The following RPS6KA2 variants were observed in gnomAD, a reference collection of about 807,000 sequenced individuals.
RPS6KA2 encodes ribosomal protein S6 kinase A2.
A neutral mutation model predicts 91.8 loss-of-function variants in RPS6KA2; 42 were observed. That is an observed-to-expected ratio of 0.46 (90% CI 0.36 to 0.59). The LOEUF (loss-of-function observed/expected upper bound fraction) is 0.59. Ranked by LOEUF, RPS6KA2 falls within the 20% of genes least tolerant of loss-of-function variation. The pLI is 0.00. For missense variants in RPS6KA2, 798 were observed against 978.5 expected, an observed-to-expected ratio of 0.82 and a Z score of 2.46; for synonymous variants, 414 against 393.6, an observed-to-expected ratio of 1.05 and a Z score of -0.61.
chr6:166,472,375 T>C (rs1487310899), intron 10 of RPS6KA2, among the ~76,000 whole-genome samples: 1 of 152,242 alleles, frequency 6.6e-6, no homozygotes, highest in Non-Finnish European at 1.5e-5. Flanking sequence ...AACTACTATG[T>C]AACTGGTATA....
intron 2 of RPS6KA2, among the ~76,000 whole-genome samples, chr6:166,748,535 GC>G (rs1321145693): frequency 2.3e-3 from 326 of 142,046 alleles, no homozygotes; most frequent in African/African-American, 3.9e-3. Context: ...ACCTCCTCGG[GC>G]CCCCCATCCC....
intron 1 of RPS6KA2, among the ~76,000 whole-genome samples, chr6:166,570,907 A>G (rs1456784403): frequency 6.6e-6 from 1 of 152,256 alleles, no homozygotes; most frequent in African/African-American, 2.4e-5. Flanking sequence ...ATAGTGTTTA[A>G]CCCAGTTTAA....
intron 2 of RPS6KA2, among the ~76,000 whole-genome samples, chr6:166,795,456 A>C (rs1261623547): frequency 6.6e-6 from 1 of 152,262 alleles, no homozygotes; most frequent in Non-Finnish European, 1.5e-5. Context: ...GTGGCATTAA[A>C]GAGCCAGTGC....
chr6:166,782,653 G>A (rs1778799352), intron 2 of RPS6KA2, among the ~76,000 whole-genome samples: 1 of 152,176 alleles, frequency 6.6e-6, no homozygotes, highest in South Asian at 2.1e-4. Flanking sequence ...AAAAGCCTGT[G>A]TCTGCATCTT....
At chr6:166,729,044 C>T (rs866482119) in intron 2 of RPS6KA2, among the ~76,000 whole-genome samples, 3 of 152,228 alleles carry the variant, frequency 2.0e-5, no homozygotes, top group Non-Finnish European at 2.9e-5. Flanking sequence ...TGCTCCCCTG[C>T]GGAAGGGCCA....
chr6:166,757,924 T>C (rs1778063720), intron 2 of RPS6KA2: 1 of 204,302 alleles, frequency 4.9e-6, no homozygotes. Flanking sequence ...CTCATGCTGC[T>C]CCGAATCCCA....
intron 15 of RPS6KA2, among the ~76,000 whole-genome samples, chr6:166,431,910 G>A (rs1194013607): frequency 6.6e-6 from 1 of 152,274 alleles, no homozygotes; most frequent in South Asian, 2.1e-4. Context: ...TTACAGGTGT[G>A]AGCCACCGCA....
chr6:166,412,898 G>A lies in RPS6KA2; in HGVS notation c.2077-11C>T. ...GGCGGCCATCGCGCCCTGCAAAACA[G>A]AAGACAAGGGTGAGAGCCGCGGCGC... is the stretch of plus-strand genomic sequence containing the variant. On this transcript the variant is annotated splice_polypyrimidine_tract_variant and intron_variant, in intron 20 of 20. Coordinates refer to ENST00000265678, the MANE Select transcript of RPS6KA2 (RefSeq NM_021135.6). The surrounding 1 kb of genome is among the most constrained non-coding windows in gnomAD (Gnocchi z 4.3). 2 of 1,547,190 alleles carry A rather than the reference G, an allele frequency of 1.3e-6. No individual in the cohort carries two copies. Among genetic ancestry groups the A allele is most frequent in the Non-Finnish European group, 1.7e-6 (2 of 1,144,366 alleles).
At chr6:166,503,254 C>T (rs139746367) in intron 6 of RPS6KA2, among the ~76,000 whole-genome samples, 25 of 152,320 alleles carry the variant, frequency 1.6e-4, no homozygotes, top group Admixed American at 1.4e-3. Context: ...GTGCCTGTGG[C>T]GTTCCACGGA....
chr6:166,548,507 T>C (rs1783898969), intron 1 of RPS6KA2, among the ~76,000 whole-genome samples: 1 of 152,162 alleles, frequency 6.6e-6, no homozygotes, highest in Non-Finnish European at 1.5e-5. Flanking sequence ...CACAGATCAA[T>C]GGAATGGAAT....
intron 1 of RPS6KA2, among the ~76,000 whole-genome samples, chr6:166,622,209 A>T (rs151222116): frequency 1.4e-4 from 22 of 152,334 alleles, no homozygotes; most frequent in African/African-American, 4.3e-4. Flanking sequence ...GTCTTTTCAC[A>T]TCGTTTAAAA....
chr6:166,451,371 T>C (rs1779913437), intron 12 of RPS6KA2, 138 bp from the exon 13 acceptor site: 6 of 862,554 alleles, frequency 7.0e-6, no homozygotes, highest in Non-Finnish European at 1.1e-5. Context: ...ACGTGGCGTA[T>C]GCCTGTGGTG....
intron 1 of RPS6KA2, among the ~76,000 whole-genome samples, chr6:166,619,062 G>A (rs1427333398): frequency 5.3e-5 from 8 of 152,168 alleles, no homozygotes; most frequent in Admixed American, 2.6e-4. Context: ...CATCAGATTC[G>A]CGCACGAGCC....
At chr6:166,838,569 A>C (rs1253810026) in intron 2 of RPS6KA2, among the ~76,000 whole-genome samples, 2 of 152,228 alleles carry the variant, frequency 1.3e-5, no homozygotes, top group Non-Finnish European at 2.9e-5. Flanking sequence ...AATATACTTT[A>C]CTGCTGGTTT....
At chr6:166,645,499 C>T (rs1364634789) in intron 2 of RPS6KA2, among the ~76,000 whole-genome samples, 1 of 152,230 alleles carries the variant, frequency 6.6e-6, no homozygotes, top group East Asian at 1.9e-4. Context: ...CCCCTCCTCT[C>T]TCTTCAACCT....
rs932565529 is a variant in RPS6KA2, at chr6:166,841,132, A to T, written c.123+17068T>A. On this transcript the variant is annotated intron_variant, in intron 2 of 21. Coordinates refer to the RPS6KA2 transcript ENST00000503859. Reference sequence around the variant, plus strand: ...CCTGTCTCTACAAAAAATAAAAAAAAAAAAATTAGCCAGGCAGCTACTCAG... The same window carrying T: ...CCTGTCTCTACAAAAAATAAAAAAATAAAAATTAGCCAGGCAGCTACTCAG... Among the ~76,000 whole-genome samples the T allele has an allele frequency of 4.6e-5, 7 of 151,826 alleles. No homozygotes were observed. In the East Asian group the frequency reaches 7.7e-4, roughly 17 times the overall value.
intron 2 of RPS6KA2, among the ~76,000 whole-genome samples, chr6:166,692,215 G>T (rs564358285): frequency 6.6e-6 from 1 of 152,204 alleles, no homozygotes; most frequent in South Asian, 2.1e-4. Flanking sequence ...GAGTAAAAGG[G>T]ATAAAGTGAG....
intron 8 of RPS6KA2, among the ~76,000 whole-genome samples, chr6:166,498,124 A>C (rs967041418): frequency 6.6e-6 from 1 of 152,246 alleles, no homozygotes; most frequent in African/African-American, 2.4e-5. Context: ...TGATGCAAAA[A>C]TGCCTAACTC....
chr6:166,570,014 C>A (rs1784636112), intron 1 of RPS6KA2, among the ~76,000 whole-genome samples: 1 of 152,188 alleles, frequency 6.6e-6, no homozygotes, highest in African/African-American at 2.4e-5. Context: ...AAACTCTGAA[C>A]TAAAGTACTG....
Sources: gnomAD v4.1 joint callset for allele counts (sites outside exome capture counted in the v4.1 genomes callset) on GRCh38, gnomAD v4.1.1 for gene constraint, Gnocchi (gnomAD v3.1) non-coding constraint, MANE v1.5 for transcripts, NCBI Gene and HGNC (gene_info 2026-07-23, HGNC 2026-07-21) for gene names.